The following CSNK2A1 variants were observed in gnomAD, a reference collection of about 807,000 sequenced individuals.
The protein encoded by CSNK2A1 is casein kinase II subunit alpha.
Under a neutral mutation model 62.9 loss-of-function variants are expected in CSNK2A1, and 10 were observed. The observed-to-expected ratio is 0.16, with a 90% CI of 0.10 to 0.27. The LOEUF is 0.27. CSNK2A1 is among the 10% of genes least tolerant of loss of function. The pLI is 1.00. For missense variants in CSNK2A1, 160 were observed against 492.0 expected, an observed-to-expected ratio of 0.33 and a Z score of 6.38; for synonymous variants, 124 against 167.8, an observed-to-expected ratio of 0.74 and a Z score of 2.02.
rs760882404 is a variant in CSNK2A1 at position 490,034 on chromosome 20, C to CT, written c.622-154dup. ...CTTCATATATTTCTTTTTAGTCTTTCTTTTTTTTTTTTTTGGAGACAGAGT... is the reference window on the plus strand; with the variant it reads ...CTTCATATATTTCTTTTTAGTCTTTCTTTTTTTTTTTTTTTGGAGACAGAGT... On this transcript the variant is annotated intron_variant, in intron 9 of 13. Transcript: ENST00000217244. 2.8e-3 allele frequency among the ~76,000 whole-genome samples: 393 copies of CT among 142,540 alleles called. 2 individuals are homozygous for CT. The highest frequency in any genetic ancestry group is 6.2e-3 in the African/African-American group (241 of 39,064). The allele number at this position is 142,540 out of a possible 152,430, so 93.5% of individuals were successfully genotyped here. A position where few individuals can be genotyped will look rare whatever the true frequency, so the allele number is the denominator to read the frequency against.
At chr20:525,797 T>C (rs185450663) in intron 2 of CSNK2A1, among the ~76,000 whole-genome samples, 13 of 134,358 alleles carry the variant, frequency 9.7e-5, no homozygotes, top group African/African-American at 5.6e-5. Flanking sequence ...CTAGGCAACA[T>C]AGTGAGACCC....
At chr20:495,627 AG>A in intron 8 of CSNK2A1, 91 bp downstream of exon 8, 1 of 1,055,872 alleles carries the variant, frequency 9.5e-7, no homozygotes, top group East Asian at 2.4e-5. Context: ...AATAGGTACT[AG>A]GGCCTGTGAC....
chr20:498,531 C>G (rs1014742908), intron 6 of CSNK2A1: 23 of 152,178 alleles, frequency 1.5e-4, no homozygotes, highest in African/African-American at 5.3e-4. Flanking sequence ...TAATGGTTAG[C>G]AACGTCTTCT....
At chr20:531,608 G>A (rs1315405115) in intron 1 of CSNK2A1, among the ~76,000 whole-genome samples, 1 of 152,066 alleles carries the variant, frequency 6.6e-6, no homozygotes, top group Non-Finnish European at 1.5e-5. Context: ...ACAGGCTCAG[G>A]AAATCTGTAA....
At chr20:489,929 G>A (rs1262014020) in intron 9 of CSNK2A1, 48 bp from the exon 10 acceptor site, 3 of 1,398,944 alleles carry the variant, frequency 2.1e-6, no homozygotes, top group Non-Finnish European at 1.9e-6. Flanking sequence ...CCTCAGGCTT[G>A]TCACTTCAAA....
At chr20:493,760 CAT>C (rs1278329474) in intron 8 of CSNK2A1, among the ~76,000 whole-genome samples, 10 of 152,340 alleles carry the variant, frequency 6.6e-5, no homozygotes, top group South Asian at 2.1e-4. Flanking sequence ...TCACCACACA[CAT>C]GTCCTGTGTG....
intron 2 of CSNK2A1, among the ~76,000 whole-genome samples, chr20:525,799 G>T (rs1007904538): frequency 2.1e-5 from 3 of 144,824 alleles, no homozygotes; most frequent in Non-Finnish European, 4.5e-5. Context: ...AGGCAACATA[G>T]TGAGACCCTG....
In CSNK2A1 at chr20:474,682, T is replaced by C. The variant is rs984432004; in HGVS notation, c.*9279A>G. ...TAGTTCCCCTTATAAATGATGAGAG[T>C]TTAGAGCTTAGACCGCTTGTCCTGT... On this transcript the variant is annotated 3_prime_UTR_variant, in exon 14 of 14. Transcript: ENST00000217244. 2 of 152,148 alleles carry C rather than the reference T, an allele frequency of 1.3e-5. No homozygotes were observed. Among genetic ancestry groups the C allele is most frequent in the African/African-American group, 4.8e-5 (2 of 41,424 alleles). The allele number at this position is 152,148 out of a possible 1,614,324, so 9.4% of individuals were successfully genotyped here. A position where few individuals can be genotyped will look rare whatever the true frequency, so the allele number is the denominator to read the frequency against.
rs11477158 is a variant in CSNK2A1 at position 498,335 on chromosome 20, C to CTT, written c.367-557_367-556dup. ...CAGAATGTTTTTTACATGGACATAT[C>CTT]TTTTTTTTTTTTTTTTTTTTTTGAG... On this transcript the variant is annotated intron_variant, in intron 6 of 13. Transcript: ENST00000217244. 252 of 119,550 alleles carry CTT rather than the reference C, an allele frequency of 2.1e-3. 1 individual carries two copies. The highest frequency in any genetic ancestry group is 2.5e-3 in the Non-Finnish European group (143 of 57,990). The allele number at this position is 119,550 out of a possible 1,614,324, so 7.4% of individuals were successfully genotyped here.
intron 1 of CSNK2A1, among the ~76,000 whole-genome samples, chr20:540,672 C>T (rs2019431761): frequency 6.6e-6 from 1 of 152,216 alleles, no homozygotes; most frequent in African/African-American, 2.4e-5. Context: ...TCTATCATGC[C>T]CCTCAAAACA....
At chr20:491,698 T>A (rs1241433545) in intron 9 of CSNK2A1, among the ~76,000 whole-genome samples, 12 of 151,748 alleles carry the variant, frequency 7.9e-5, no homozygotes, top group Admixed American at 7.9e-4. Flanking sequence ...CCGGGCGTGG[T>A]GGCTCACGAG....
At chr20:515,334 G>A (rs1359294855) in intron 2 of CSNK2A1, among the ~76,000 whole-genome samples, 1 of 152,160 alleles carries the variant, frequency 6.6e-6, no homozygotes, top group Non-Finnish European at 1.5e-5. Flanking sequence ...GATAGGTTTT[G>A]GACTTAAGGT....
At position 517,475 on chromosome 20, in the gene CSNK2A1, A is replaced by G. The variant is rs567033773; in HGVS notation, c.-109-8815T>C. 1.0e-3 allele frequency among the ~76,000 whole-genome samples: 152 copies of G among 152,208 alleles called. 1 individual carries two copies. The highest frequency in any genetic ancestry group is 1.5e-3 in the Admixed American group (23 of 15,308). On this transcript the variant is annotated intron_variant, in intron 2 of 13. Coordinates refer to ENST00000217244, the MANE Select transcript of CSNK2A1 (RefSeq NM_177559.3). The stretch of plus-strand genomic sequence containing the variant: ...AAAGAAAACAGACCATTACAATCTC[A>G]AGTGATCAGTGCTTGAAACAATTAA...
chr20:524,900 G>A (rs1383057061), intron 2 of CSNK2A1, among the ~76,000 whole-genome samples: 3 of 152,044 alleles, frequency 2.0e-5, no homozygotes, highest in Non-Finnish European at 4.4e-5. Flanking sequence ...AAGATGGCTT[G>A]AGGCTGAGTT....
At position 492,258 on chromosome 20, in the gene CSNK2A1, T is replaced by C; in HGVS notation, c.617A>G (p.Tyr206Cys). The part of the protein sequence containing the change: ...YFKGPELLVD[Y>C]QMYDYSLDMW... ...TGCCTGCCCTTCTGTTCTTACCTGA[T>C]AGTCTACAAGTAGCTCAGGACCTTT... The change falls in exon 9 of 14, where the codon TAT (tyrosine) becomes TGT (cysteine). Residue 206 changes from tyrosine (Y) to cysteine (C), a missense_variant. This residue lies in a region of CSNK2A1 where 94 missense variants were observed against 357.6 expected (regional missense o/e 0.26). Transcript: ENST00000217244. 1 of 1,612,974 alleles carries C rather than the reference T, an allele frequency of 6.2e-7. No individual in the cohort carries two copies. The highest frequency in any genetic ancestry group is 8.5e-7 in the Non-Finnish European group (1 of 1,178,994).
chr20:523,214 T>C (rs1012401324), intron 2 of CSNK2A1, among the ~76,000 whole-genome samples: 2 of 152,226 alleles, frequency 1.3e-5, no homozygotes, highest in Non-Finnish European at 2.9e-5. Context: ...TAGTACTGTA[T>C]AGCCATTCTA....
chr20:487,626 C>A, intron 11 of CSNK2A1, 51 bp from the exon 12 acceptor site: 1 of 1,611,356 alleles, frequency 6.2e-7, no homozygotes, highest in South Asian at 1.1e-5. Context: ...GCACAGAAGC[C>A]CAACATTTCA....
chr20:511,511 T>C (rs539921869), intron 2 of CSNK2A1, among the ~76,000 whole-genome samples: 35 of 152,308 alleles, frequency 2.3e-4, no homozygotes, highest in African/African-American at 8.4e-4. Context: ...CCCCAACTCT[T>C]TGCAACCACT....
At chr20:512,804 C>T (rs2018751477) in intron 2 of CSNK2A1, among the ~76,000 whole-genome samples, 1 of 152,162 alleles carries the variant, frequency 6.6e-6, no homozygotes, top group Non-Finnish European at 1.5e-5. Flanking sequence ...ATTTCTATTT[C>T]TTTGATTTTG....
Sources: gnomAD v4.1 joint callset for allele counts (sites outside exome capture counted in the v4.1 genomes callset) on GRCh38, gnomAD v4.1.1 for gene constraint, gnomAD v4.1.1 regional missense constraint, MANE v1.5 for transcripts, NCBI Gene and HGNC (gene_info 2026-07-23, HGNC 2026-07-21) for gene names.